MGAM2: variants seen among roughly 807,000 people sequenced by gnomAD.
MGAM2 encodes the protein maltase-glucoamylase 2 (putative), also known as probable maltase-glucoamylase 2.
A neutral mutation model predicts 96.1 loss-of-function variants in MGAM2; 98 were observed. The observed-to-expected ratio is 1.02, with a 90% CI of 0.87 to 1.21. MGAM2 has a LOEUF of 1.21. Among genes scored for constraint, MGAM2 ranks in the 50% most tolerant of loss-of-function variants. MGAM2 has a pLI of 0.00. For missense variants in MGAM2, 2,055 were observed against 1,182.4 expected, an observed-to-expected ratio of 1.74 and a Z score of -10.82; for synonymous variants, 749 against 414.8, an observed-to-expected ratio of 1.81 and a Z score of -9.79.
At chr7:142,129,308 G>T (rs774261576) in intron 3 of MGAM2, among the ~76,000 whole-genome samples, 65 of 152,154 alleles carry the variant, frequency 4.3e-4, no homozygotes, top group Non-Finnish European at 8.8e-5. Context: ...AAAGGGACTT[G>T]CCTTGTCTCA....
chr7:142,204,447 A>C (rs1374583204), intron 45 of MGAM2, among the ~76,000 whole-genome samples: 1 of 152,034 alleles, frequency 6.6e-6, no homozygotes, highest in African/African-American at 2.4e-5. Context: ...GCTTTTTAAC[A>C]TAATCTGATA....
At position 142,220,257 on chromosome 7, in the gene MGAM2, A is replaced by G. The variant is rs1483818083; in HGVS notation, c.5746A>G (p.Thr1916Ala). Reference sequence around the variant, plus strand: ...TACTATTGGTGTTACAACTAATGCTACTGTTCCCAATACAACTGCCCCTTT... The same window carrying G: ...TACTATTGGTGTTACAACTAATGCTGCTGTTCCCAATACAACTGCCCCTTT... ...TSTIGVTTNA[T>A]VPNTTAPFPT... The change falls in exon 48 of 48, where the codon ACT becomes GCT. Residue 1916 changes from threonine to alanine, a missense_variant. Thr to Ala is a moderately conservative substitution (Grantham distance 58). Transcript: ENST00000477922. 1.4e-6 allele frequency: 1 copy of G among 702,754 alleles called. No individual in the cohort carries two copies. Among genetic ancestry groups the G allele is most frequent in the Middle Eastern group, 2.3e-4 (1 of 4,368 alleles). The allele number at this position is 702,754 out of a possible 1,614,324, so 43.5% of individuals were successfully genotyped here.
intron 3 of MGAM2, among the ~76,000 whole-genome samples, chr7:142,125,995 G>A (rs540223265): frequency 6.6e-6 from 1 of 151,960 alleles, no homozygotes; most frequent in Non-Finnish European, 1.5e-5. Flanking sequence ...ATCTTTATAA[G>A]CTTTTGCATC....
At chr7:142,115,767 C>A (rs1281150377) in intron 1 of MGAM2, among the ~76,000 whole-genome samples, 3 of 152,106 alleles carry the variant, frequency 2.0e-5, no homozygotes, top group Non-Finnish European at 4.4e-5. Context: ...ATTGGGTGAA[C>A]CCAGGAGGCA....
rs571832233 is a variant in MGAM2 at position 142,166,237 on chromosome 7, G to A, written c.2792G>A (p.Arg931Gln). ...GCCTCTGAGGAGAGTTGTAGGCAGC[G>A]GGGGTGTCTTTGGGAGGTAAATGAC... ...PTASEESCRQ[R>Q]GCLWEDTSTP... The change falls in exon 25 of 48, where the codon CGG (arginine) becomes CAG (glutamine). Residue 931 changes from arginine (R) to glutamine (Q), a missense_variant. Arg to Gln is a conservative substitution (Grantham distance 43). Transcript: ENST00000477922. The A allele has an allele frequency of 4.0e-5, 28 of 700,848 alleles. No individual in the cohort carries two copies. Among genetic ancestry groups the A allele is most frequent in the African/African-American group, 1.0e-4 (6 of 57,294 alleles). The allele number at this position is 700,848 out of a possible 1,614,324, so 43.4% of individuals were successfully genotyped here. A position where few individuals can be genotyped will look rare whatever the true frequency, so the allele number is the denominator to read the frequency against.
chr7:142,174,715 C>CTCTTTTTTTTTTTTTTTT (rs1194981898), intron 31 of MGAM2, among the ~76,000 whole-genome samples: 1 of 85,444 alleles, frequency 1.2e-5, no homozygotes, highest in African/African-American at 5.7e-5. Flanking sequence ...CTCTCTCTCT[C>CTCTTTTTTTTTTTTTTTT]TTTTTTTTTT....
chr7:142,216,455 T>C (rs919811429), intron 46 of MGAM2, among the ~76,000 whole-genome samples: 3 of 152,190 alleles, frequency 2.0e-5, no homozygotes, highest in African/African-American at 4.8e-5. Context: ...GTTTGATAGA[T>C]TATTTCCTTA....
At chr7:142,140,758 C>T in intron 10 of MGAM2, 44 bp from the exon 11 acceptor site, 1 of 678,478 alleles carries the variant, frequency 1.5e-6, no homozygotes, top group Non-Finnish European at 2.7e-6. Flanking sequence ...TCCATCAGCA[C>T]AGTGCTGTTT....
chr7:142,188,694 T>C (rs1169570591), intron 36 of MGAM2, among the ~76,000 whole-genome samples: 2 of 152,224 alleles, frequency 1.3e-5, no homozygotes, highest in African/African-American at 4.8e-5. Context: ...ATGCATTCAG[T>C]AGAAACCGAA....
At chr7:142,112,913 T>A (rs1817222730) in intron 1 of MGAM2, among the ~76,000 whole-genome samples, 1 of 152,190 alleles carries the variant, frequency 6.6e-6, no homozygotes, top group Non-Finnish European at 1.5e-5. Context: ...TTAATAAACC[T>A]CAATTTTAAT....
chr7:142,222,027 G>T lies in MGAM2; in HGVS notation c.7516G>T (p.Ala2506Ser), dbSNP rs1010538841. 12 of 398,168 alleles carry T rather than the reference G, an allele frequency of 3.0e-5. No individual in the cohort carries two copies. The highest frequency in any genetic ancestry group is 2.6e-4 in the Admixed American group (6 of 22,698). The allele number at this position is 398,168 out of a possible 1,614,324, so 24.7% of individuals were successfully genotyped here. A position where few individuals can be genotyped will look rare whatever the true frequency, so the allele number is the denominator to read the frequency against. The part of the protein sequence containing the change: ...HTSATAPTYI[A>S]NAINATQVP ...CTCTGCTACTGCACCTACTTATATT[G>T]CAAATGCCATAAATGCTACTCAAGT... Residue 2506 changes from alanine to serine, a missense_variant, in exon 48 of 48, where the codon GCA (alanine) becomes TCA (serine). Physicochemically the swap from Ala to Ser is moderately conservative, Grantham distance 99. Transcript: ENST00000477922.
At chr7:142,112,801 C>T (rs866825818) in intron 1 of MGAM2, among the ~76,000 whole-genome samples, 7 of 152,088 alleles carry the variant, frequency 4.6e-5, no homozygotes, top group Non-Finnish European at 8.8e-5. Context: ...TATGAGAATA[C>T]AGTCATATGA....
intron 32 of MGAM2, among the ~76,000 whole-genome samples, chr7:142,175,996 G>A (rs1294124128): frequency 6.6e-6 from 1 of 150,870 alleles, no homozygotes; most frequent in Non-Finnish European, 1.5e-5. Flanking sequence ...TTTAAAAGAT[G>A]ATACTTTATA....
In MGAM2 at chr7:142,167,311, T is replaced by C. The variant is rs1176811824; in HGVS notation, c.2852T>C (p.Ile951Thr). The part of the protein sequence containing the change: ...PGVPTCYYDT[I>T]PNYVASDIQY... ...GTGCCCACCTGTTACTATGACACCA[T>C]CCCTAATTATGTTGCTAGTGATATT... is the stretch of plus-strand genomic sequence containing the variant. Residue 951 changes from isoleucine (I) to threonine (T), a missense_variant, in exon 26 of 48, where the codon ATC becomes ACC. Transcript: ENST00000477922. 7.1e-6 allele frequency: 5 copies of C among 702,558 alleles called. No homozygotes were observed. Among genetic ancestry groups the C allele is most frequent in the South Asian group, 5.9e-5 (4 of 67,576 alleles). The allele number at this position is 702,558 out of a possible 1,614,324, so 43.5% of individuals were successfully genotyped here. A position where few individuals can be genotyped will look rare whatever the true frequency, so the allele number is the denominator to read the frequency against.
rs571996133 is a variant in MGAM2 at position 142,113,556 on chromosome 7, C to CA, written c.-1+1751dup. On this transcript the variant is annotated intron_variant, in intron 1 of 47. Transcript: ENST00000477922. The stretch of plus-strand genomic sequence containing the variant: ...TTTTTTATAATGTGATTCTATTCCT[C>CA]AAGTTATTAATTATTTGAAGAACAG... 6.4e-4 allele frequency among the ~76,000 whole-genome samples: 97 copies of CA among 151,876 alleles called. 2 individuals carry two copies. In the East Asian group the frequency reaches 0.018, roughly 29 times the overall value.
chr7:142,212,676 A>G (rs538193250), intron 46 of MGAM2, among the ~76,000 whole-genome samples: 142 of 152,336 alleles, frequency 9.3e-4, no homozygotes, highest in African/African-American at 3.2e-3. Flanking sequence ...AAGCACCCAC[A>G]TTCATAAGGC....
At chr7:142,215,711 T>C (rs1045451855) in intron 46 of MGAM2, among the ~76,000 whole-genome samples, 22 of 141,628 alleles carry the variant, frequency 1.6e-4, no homozygotes, top group Admixed American at 3.0e-4. Flanking sequence ...TGAGCCGAGA[T>C]CGCGCCATTG....
chr7:142,178,439 T>G (rs1796441433), intron 32 of MGAM2, among the ~76,000 whole-genome samples: 1 of 152,190 alleles, frequency 6.6e-6, no homozygotes, highest in Admixed American at 6.5e-5. Context: ...CTAAGGCCAA[T>G]GTCAAGAACA....
intron 45 of MGAM2, among the ~76,000 whole-genome samples, chr7:142,202,741 C>T (rs1330959944): frequency 2.0e-5 from 3 of 152,090 alleles, no homozygotes; most frequent in African/African-American, 7.2e-5. Flanking sequence ...GGGTTGATTC[C>T]ATGTCTTTGT....
Sources: allele counts gnomAD v4.1 joint callset (sites outside exome capture counted in the v4.1 genomes callset), GRCh38; gene constraint gnomAD v4.1.1; transcripts MANE v1.5; gene names NCBI Gene and HGNC (gene_info 2026-07-23, HGNC 2026-07-21).